Variants in FOXP1 observed in about 807,000 individuals in gnomAD.
The protein encoded by FOXP1 is forkhead box P1, also known as forkhead box protein P1.
A neutral mutation model predicts 98.2 loss-of-function variants in FOXP1; 15 were observed. The ratio of observed to expected loss-of-function variants is 0.15; its 90% CI spans 0.10 to 0.24. FOXP1 has a LOEUF of 0.24. FOXP1 is among the 10% of genes least tolerant of loss of function. The probability of loss-of-function intolerance (pLI) is 1.00; values close to 1 mark genes in which losing one functional copy is unlikely to be tolerated. For missense variants in FOXP1, 633 were observed against 848.5 expected (o/e 0.75, Z 3.15); for synonymous variants, 371 against 314.5 (o/e 1.18, Z -1.90).
intron 6 of FOXP1, among the ~76,000 whole-genome samples, chr3:71,125,239 T>C (rs2059079940): frequency 6.6e-6 from 1 of 152,234 alleles, no homozygotes; most frequent in South Asian, 2.1e-4. Flanking sequence ...CGATTGGTTC[T>C]AAATTACTTT....
intron 4 of FOXP1, among the ~76,000 whole-genome samples, chr3:71,339,484 G>C (rs893346960): frequency 6.6e-5 from 10 of 152,180 alleles, no homozygotes; most frequent in African/African-American, 2.2e-4. Flanking sequence ...TCTCCTTGTT[G>C]TAACTCTTCA....
intron 5 of FOXP1, among the ~76,000 whole-genome samples, chr3:71,266,537 C>A (rs1430779038): frequency 6.6e-6 from 1 of 152,194 alleles, no homozygotes; most frequent in Non-Finnish European, 1.5e-5. Flanking sequence ...CAGGCATGAG[C>A]CACTGCGCCT....
chr3:71,260,711 T>G (rs2069056934), intron 5 of FOXP1, among the ~76,000 whole-genome samples: 3 of 151,786 alleles, frequency 2.0e-5, no homozygotes, highest in African/African-American at 7.3e-5. Flanking sequence ...CCTGGCTAAT[T>G]TTTGTATTTT....
chr3:71,411,337 C>T (rs548529565), intron 3 of FOXP1, among the ~76,000 whole-genome samples: 6 of 142,618 alleles, frequency 4.2e-5, no homozygotes, highest in African/African-American at 1.0e-4. Context: ...GTGTGAGTGA[C>T]GGAGTCTTGC....
chr3:71,530,260 C>T (rs1178891318), intron 2 of FOXP1, among the ~76,000 whole-genome samples: 2 of 152,104 alleles, frequency 1.3e-5, no homozygotes, highest in Non-Finnish European at 1.5e-5. Flanking sequence ...GTTGTCACCT[C>T]GGGAGTGGGT....
chr3:71,083,130 G>A (rs921018645), intron 7 of FOXP1, among the ~76,000 whole-genome samples: 3 of 152,116 alleles, frequency 2.0e-5, no homozygotes, highest in East Asian at 1.9e-4. Flanking sequence ...CCCCAGTGTC[G>A]GAGGTGGGGC....
chr3:71,300,964 G>C (rs1471235091), intron 4 of FOXP1, among the ~76,000 whole-genome samples: 1 of 152,198 alleles, frequency 6.6e-6, no homozygotes, highest in Non-Finnish European at 1.5e-5. Context: ...AAATTTGAAA[G>C]TGGCACTTTG....
chr3:71,248,463 C>G (rs1243844363), intron 5 of FOXP1, among the ~76,000 whole-genome samples: 1 of 152,138 alleles, frequency 6.6e-6, no homozygotes, highest in Admixed American at 6.5e-5. Flanking sequence ...TCCAGCATGG[C>G]CAGGCACGGT....
At chr3:71,078,228 GA>G (rs1397047962) in intron 7 of FOXP1, among the ~76,000 whole-genome samples, 6 of 152,152 alleles carry the variant, frequency 3.9e-5, no homozygotes, top group Non-Finnish European at 8.8e-5. Context: ...TAGTGTTAAG[GA>G]AAAAGTAACT....
chr3:71,218,717 A>G (rs2065129062), intron 5 of FOXP1, among the ~76,000 whole-genome samples: 1 of 152,130 alleles, frequency 6.6e-6, no homozygotes, highest in African/African-American at 2.4e-5. Flanking sequence ...CTGTTTTCCA[A>G]CTGTTCCAAT....
At chr3:71,399,224 G>A (rs930172794) in intron 3 of FOXP1, among the ~76,000 whole-genome samples, 1 of 151,538 alleles carries the variant, frequency 6.6e-6, no homozygotes, top group South Asian at 2.1e-4. Context: ...ATGTACATAG[G>A]TTTAGGTGTA....
chr3:71,306,545 A>G (rs1477324458), intron 4 of FOXP1, among the ~76,000 whole-genome samples: 1 of 151,526 alleles, frequency 6.6e-6, no homozygotes, highest in African/African-American at 2.4e-5. Flanking sequence ...AAGTGTACAT[A>G]TAAAAATATA....
rs531432221 is a variant in FOXP1, at chr3:71,459,528, T to C, written c.-168+33898A>G. Among the ~76,000 whole-genome samples the C allele has an allele frequency of 2.6e-5, 4 of 152,358 alleles. No homozygotes were observed. The South Asian group carries it at 8.3e-4, about 32-fold the overall frequency. ...CGCAGCTTTTTTTCTATTCAGTTAATAAAGATTTGTGAAATTGTCACAAAA... is the reference window on the plus strand; with the variant it reads ...CGCAGCTTTTTTTCTATTCAGTTAACAAAGATTTGTGAAATTGTCACAAAA... On this transcript the variant is annotated intron_variant, in intron 3 of 20. Transcript: ENST00000649528.
chr3:71,372,265 G>A (rs1256741490), intron 3 of FOXP1, among the ~76,000 whole-genome samples: 1 of 150,330 alleles, frequency 6.7e-6, no homozygotes, highest in Non-Finnish European at 1.5e-5. Context: ...GAGGTGATCC[G>A]CCCGTCTCAG....
intron 3 of FOXP1, among the ~76,000 whole-genome samples, chr3:71,359,501 C>T (rs2078401591): frequency 6.6e-6 from 1 of 152,162 alleles, no homozygotes; most frequent in Non-Finnish European, 1.5e-5. Context: ...AAGGCACTGA[C>T]ATCCACTTAG....
intron 4 of FOXP1, among the ~76,000 whole-genome samples, chr3:71,331,551 A>G (rs1478867144): frequency 1.3e-5 from 2 of 152,242 alleles, no homozygotes; most frequent in African/African-American, 2.4e-5. Context: ...GGTGAAGCCA[A>G]CTGGGCTCCT....
intron 4 of FOXP1, among the ~76,000 whole-genome samples, chr3:71,342,478 T>A (rs115288344): frequency 0.016 from 2,400 of 152,138 alleles, 49 homozygotes; most frequent in African/African-American, 0.043. Flanking sequence ...GAGAACAGCC[T>A]GATCAGGAGT....
chr3:71,279,898 C>A (rs376279828), intron 5 of FOXP1, among the ~76,000 whole-genome samples: 1 of 151,926 alleles, frequency 6.6e-6, no homozygotes, highest in Non-Finnish European at 1.5e-5. Context: ...CCGAGGCAGG[C>A]GGATCACGAG....
intron 6 of FOXP1, among the ~76,000 whole-genome samples, chr3:71,135,218 C>A (rs1219557211): frequency 7.0e-6 from 1 of 143,742 alleles, no homozygotes; most frequent in Non-Finnish European, 1.5e-5. Context: ...AAGATCGCAC[C>A]ACTGCACTTC....
Sources: gnomAD v4.1 joint callset for allele counts (sites outside exome capture counted in the v4.1 genomes callset) on GRCh38, gnomAD v4.1.1 for gene constraint, MANE v1.5 for transcripts, NCBI Gene and HGNC (gene_info 2026-07-23, HGNC 2026-07-21) for gene names.